Variants in DNTTIP1 observed in about 807,000 individuals in gnomAD.
DNTTIP1 encodes the protein deoxynucleotidyltransferase terminal interacting protein 1, also known as deoxynucleotidyltransferase terminal-interacting protein 1.
DNTTIP1 carries 22 observed loss-of-function variants against 52.9 expected under a neutral mutation model. The ratio of observed to expected loss-of-function variants is 0.42; its 90% CI spans 0.30 to 0.59. The LOEUF is 0.59. Among genes scored for constraint, DNTTIP1 ranks in the 20% least tolerant of loss-of-function variants. The probability of loss-of-function intolerance (pLI) is 0.22; values close to 1 mark genes in which losing one functional copy is unlikely to be tolerated. For synonymous variants in DNTTIP1, 136 were observed against 155.1 expected (o/e 0.88, Z 0.92); for missense variants, 286 against 435.5 (o/e 0.66, Z 3.06).
rs756404631 is a variant in DNTTIP1, at chr20:45,791,978, A to C, written c.-27A>C. ...CACTTTCCGGCCGGTGACAGAGTCC[A>C]GCGGAGTTGTGGGGGCCGGGGGCGC... On this transcript the variant is annotated 5_prime_UTR_variant, in exon 1 of 13. Transcript: ENST00000372622. 6 of 1,229,404 alleles carry C rather than the reference A, an allele frequency of 4.9e-6. No individual in the cohort carries two copies. The highest frequency in any genetic ancestry group is 6.1e-6 in the Non-Finnish European group (6 of 979,706). 76.2% of individuals were successfully genotyped at this position (1,229,404 alleles called of 1,614,324 possible).
At chr20:45,799,768 G>C (rs964189692) in intron 4 of DNTTIP1, among the ~76,000 whole-genome samples, 9 of 148,054 alleles carry the variant, frequency 6.1e-5, no homozygotes, top group African/African-American at 2.2e-4. Flanking sequence ...CCTAGTTACT[G>C]CTGTGTCCAC....
intron 4 of DNTTIP1, among the ~76,000 whole-genome samples, chr20:45,797,555 T>C (rs373205690): frequency 5.3e-5 from 8 of 152,170 alleles, no homozygotes; most frequent in East Asian, 3.9e-4. Context: ...ACCTACAGAA[T>C]GGGAGAAAAT....
chr20:45,810,337 C>A (rs1981782694), intron 11 of DNTTIP1, among the ~76,000 whole-genome samples: 1 of 152,198 alleles, frequency 6.6e-6, no homozygotes, highest in Non-Finnish European at 1.5e-5. Context: ...ACAATACAGG[C>A]CAATTACTAG....
chr20:45,808,134 C>T (rs1211423), intron 10 of DNTTIP1, among the ~76,000 whole-genome samples: 57 of 151,086 alleles, frequency 3.8e-4, no homozygotes, highest in Non-Finnish European at 5.9e-4. Context: ...TCAGTTGAGG[C>T]CAGGAGTTCA....
chr20:45,795,794 G>C (rs1237782485), intron 4 of DNTTIP1, among the ~76,000 whole-genome samples: 1 of 152,146 alleles, frequency 6.6e-6, no homozygotes, highest in East Asian at 1.9e-4. Context: ...GCAAGATTCT[G>C]TCTCAAAAAC....
chr20:45,792,159 G>T lies in DNTTIP1; in HGVS notation c.105+50G>T, dbSNP rs962579417. On this transcript the variant is annotated intron_variant, in intron 1 of 12. Transcript: ENST00000372622. ...GGGCTCAGGCCGGGCACGGCCTCGGGGCTCCTGGGACCCTGGCCCGCGGGC... is the reference window on the plus strand; with the variant it reads ...GGGCTCAGGCCGGGCACGGCCTCGGTGCTCCTGGGACCCTGGCCCGCGGGC... 9.9e-6 allele frequency: 11 copies of T among 1,108,648 alleles called. No homozygotes were observed. In the Admixed American group the frequency reaches 2.3e-4, roughly 23 times the overall value. 68.7% of individuals were successfully genotyped at this position (1,108,648 alleles called of 1,614,324 possible).
chr20:45,796,179 A>G (rs1235041228), intron 4 of DNTTIP1, among the ~76,000 whole-genome samples: 2 of 152,132 alleles, frequency 1.3e-5, no homozygotes, highest in African/African-American at 4.8e-5. Flanking sequence ...GTTTATCTCT[A>G]TTGTTTACTT....
At chr20:45,801,355 G>C (rs1253246639) in intron 5 of DNTTIP1, 47 bp from the exon 6 acceptor site, 1 of 1,605,996 alleles carries the variant, frequency 6.2e-7, no homozygotes, top group Non-Finnish European at 8.5e-7. Context: ...AAGACCTGCA[G>C]CTCCCAGGCA....
chr20:45,800,710 T>A (rs1401334707), intron 4 of DNTTIP1, among the ~76,000 whole-genome samples: 309 of 2,670 alleles, frequency 0.12, 43 homozygotes, highest in African/African-American at 0.24. Flanking sequence ...TATATATATA[T>A]ATATATATAT....
In DNTTIP1 at chr20:45,805,971, A is replaced by C. The variant is rs551716621; in HGVS notation, c.723+605A>C. Among the ~76,000 whole-genome samples, 12 of 151,712 alleles carry C rather than the reference A, an allele frequency of 7.9e-5. No homozygotes were observed. In the South Asian group the frequency reaches 2.1e-3, roughly 26 times the overall value. On this transcript the variant is annotated intron_variant, in intron 10 of 12. Coordinates refer to ENST00000372622, the MANE Select transcript of DNTTIP1 (RefSeq NM_052951.3). ...GTGGCTCATGCCTATAATTCCAGCT[A>C]CTCAGGAGGCTGAGGCAGGAGAATC...
At position 45,793,987 on chromosome 20, in the gene DNTTIP1, G is replaced by C; in HGVS notation, c.243G>C (p.Glu81Asp). 1 of 1,598,520 alleles carries C rather than the reference G, an allele frequency of 6.3e-7. No homozygotes were observed. The highest frequency in any genetic ancestry group is 8.5e-7 in the Non-Finnish European group (1 of 1,172,346). ...RAVLQPSINE[E>D]IQTVFNKYMK... Reference sequence around the variant, plus strand: ...TCCTGCAGCCCAGCATCAACGAGGAGATCCAGACTGTCTTCAACAAGTACA... The same window carrying C: ...TCCTGCAGCCCAGCATCAACGAGGACATCCAGACTGTCTTCAACAAGTACA... The change falls in exon 3 of 13, where the codon GAG (glutamate) becomes GAC (aspartate). Residue 81 changes from glutamate (E) to aspartate (D), a missense_variant. Glu to Asp is a conservative substitution (Grantham distance 45, BLOSUM62 2). Coordinates refer to ENST00000372622, the MANE Select transcript of DNTTIP1 (RefSeq NM_052951.3).
chr20:45,792,154 C>G, intron 1 of DNTTIP1, 45 bp downstream of exon 1: 1 of 1,133,868 alleles, frequency 8.8e-7, no homozygotes, highest in Non-Finnish European at 1.1e-6. Context: ...CGGGCACGGC[C>G]TCGGGGCTCC....
chr20:45,799,483 C>A (rs186999712), intron 4 of DNTTIP1, among the ~76,000 whole-genome samples: 43 of 152,292 alleles, frequency 2.8e-4, no homozygotes, highest in Admixed American at 1.2e-3. Context: ...GTGTTCCCAC[C>A]TTTGAGCTTC....
In DNTTIP1 at chr20:45,792,094, G is replaced by A; in HGVS notation, c.90G>A (p.Gly30=). The change falls in exon 1 of 13, where the codon GGG becomes GGA. Residue 30 remains glycine (G), a synonymous_variant. Coordinates refer to ENST00000372622, the MANE Select transcript of DNTTIP1 (RefSeq NM_052951.3). ...GLELGDAGAA[G]QLVLTNPWNI... ...AGCTGGGGGATGCGGGCGCAGCGGG[G>A]CAGCTGGTTCTTACGGTGAGGGCGC... 2 of 1,285,568 alleles carry A rather than the reference G, an allele frequency of 1.6e-6. No individual in the cohort carries two copies. The highest frequency in any genetic ancestry group is 2.0e-6 in the Non-Finnish European group (2 of 1,015,132). 79.6% of individuals were successfully genotyped at this position (1,285,568 alleles called of 1,614,324 possible).
chr20:45,792,058 G>A lies in DNTTIP1; in HGVS notation c.54G>A (p.Arg18=). Residue 18 remains arginine, a synonymous_variant, in exon 1 of 13, where the codon AGG becomes AGA. Transcript: ENST00000372622. ...CGCGGGGACCTAGCGGGGCCGAGAG[G>A]GGCGGCTTGGAGCTGGGGGATGCGG... The part of the protein sequence containing the change: ...EQPRGPSGAE[R]GGLELGDAGA... 2.3e-6 allele frequency: 3 copies of A among 1,284,912 alleles called. No homozygotes were observed. The Admixed American group carries it at 9.4e-5, about 40-fold the overall frequency. 79.6% of individuals were successfully genotyped at this position (1,284,912 alleles called of 1,614,324 possible). A position where few individuals can be genotyped will look rare whatever the true frequency, so the allele number is the denominator to read the frequency against.
At chr20:45,801,901 C>G in intron 6 of DNTTIP1, 98 bp from the exon 7 acceptor site, 1 of 1,204,280 alleles carries the variant, frequency 8.3e-7, no homozygotes, top group South Asian at 1.2e-5. Context: ...CATTTGATCT[C>G]TTTGGAAAAC....
At chr20:45,794,077 G>C in intron 3 of DNTTIP1, 60 bp downstream of exon 3, 1 of 1,029,150 alleles carries the variant, frequency 9.7e-7, no homozygotes, top group Non-Finnish European at 1.4e-6. Flanking sequence ...CCCAGTCCTT[G>C]CCTGCATCAC....
intron 10 of DNTTIP1, among the ~76,000 whole-genome samples, chr20:45,806,179 A>G (rs1981637678): frequency 6.6e-6 from 1 of 151,658 alleles, no homozygotes; most frequent in Admixed American, 6.6e-5. Flanking sequence ...AACATGGAGA[A>G]ACCCCGTCTC....
intron 3 of DNTTIP1, 145 bp downstream of exon 3, chr20:45,794,162 T>G: frequency 2.0e-6 from 1 of 498,140 alleles, no homozygotes; most frequent in Non-Finnish European, 3.5e-6. Flanking sequence ...TTGTTTTGTG[T>G]TTTTGAGACA....
Sources: gnomAD v4.1 joint callset for allele counts (sites outside exome capture counted in the v4.1 genomes callset) on GRCh38, gnomAD v4.1.1 for gene constraint, MANE v1.5 for transcripts, NCBI Gene and HGNC (gene_info 2026-07-23, HGNC 2026-07-21) for gene names.